Variants in BCAS3 observed in about 807,000 individuals in gnomAD.
The protein encoded by BCAS3 is BCAS3 microtubule associated cell migration factor.
BCAS3 carries 53 observed loss-of-function variants against 116.1 expected under a neutral mutation model. That is an observed-to-expected ratio of 0.46 (90% CI 0.37 to 0.57). The LOEUF (loss-of-function observed/expected upper bound fraction) is 0.57, where lower values mean the gene tolerates loss of function less well. Among genes scored for constraint, BCAS3 ranks in the 20% least tolerant of loss-of-function variants. The pLI, the probability that BCAS3 is intolerant of heterozygous loss-of-function variation, is 0.00. For missense variants in BCAS3, 917 were observed against 1,165.4 expected (o/e 0.79, Z 3.10); for synonymous variants, 391 against 408.2 (o/e 0.96, Z 0.51).
chr17:61,166,391 C>CTTTTT (rs748083151), intron 22 of BCAS3, among the ~76,000 whole-genome samples: 2 of 33,726 alleles, frequency 5.9e-5, no homozygotes, highest in African/African-American at 1.7e-4. Flanking sequence ...CTCTCTCTCT[C>CTTTTT]TTTTTTTTTT....
chr17:60,731,975 A>G (rs2040503445), intron 5 of BCAS3, among the ~76,000 whole-genome samples: 1 of 151,844 alleles, frequency 6.6e-6, no homozygotes, highest in Non-Finnish European at 1.5e-5. Context: ...GGGTTTCGCG[A>G]TGTTGTCCAG....
At chr17:61,152,148 T>C (rs2094399613) in intron 22 of BCAS3, among the ~76,000 whole-genome samples, 1 of 152,180 alleles carries the variant, frequency 6.6e-6, no homozygotes, top group Non-Finnish European at 1.5e-5. Context: ...AGGTTTATTG[T>C]GAAGAGCAAA....
Position 61,098,620 on chromosome 17 carries a change from G to T in BCAS3, c.2425+14056G>T, listed in dbSNP as rs1369878763. Among the ~76,000 whole-genome samples, 1 of 152,144 alleles carries T rather than the reference G, an allele frequency of 6.6e-6. No individual in the cohort carries two copies. Among genetic ancestry groups the T allele is most frequent in the Non-Finnish European group, 1.5e-5 (1 of 68,024 alleles). On this transcript the variant is annotated intron_variant, in intron 22 of 23. Transcript: ENST00000407086. This position sits in a 1 kb window ranked among gnomAD's most constrained non-coding sequence, Gnocchi z 4.2. ...GCAATTAAGTGGTATGCTGCAAAAA[G>T]GAATTCGGTTAGCAGATTTTATGGC... is the stretch of plus-strand genomic sequence containing the variant.
chr17:61,322,256 A>G (rs182511587), intron 22 of BCAS3, among the ~76,000 whole-genome samples: 62 of 152,310 alleles, frequency 4.1e-4, no homozygotes, highest in African/African-American at 1.5e-3. Flanking sequence ...TCAGATTAGT[A>G]TTGGGAGGCG....
rs577320503 is a variant in BCAS3, at chr17:61,211,214, C to T, written c.2425+126650C>T. On this transcript the variant is annotated intron_variant, in intron 22 of 23. Coordinates refer to ENST00000407086, the MANE Select transcript of BCAS3 (RefSeq NM_017679.5). This position sits in a 1 kb window ranked among gnomAD's most constrained non-coding sequence, Gnocchi z 4.4. Reference sequence around the variant, plus strand: ...AACCACCTCTGCTTCCCTTTCCCCACTCTGTAATCAGTAATCATTGTCTGG... The same window carrying T: ...AACCACCTCTGCTTCCCTTTCCCCATTCTGTAATCAGTAATCATTGTCTGG... Among the ~76,000 whole-genome samples the T allele has an allele frequency of 1.4e-3, 213 of 152,320 alleles. No individual in the cohort carries two copies. The highest frequency in any genetic ancestry group is 3.4e-3 in the Middle Eastern group (1 of 294).
At chr17:61,042,906 A>AAAAAAAT (rs1568200260) in intron 19 of BCAS3, among the ~76,000 whole-genome samples, 2 of 150,440 alleles carry the variant, frequency 1.3e-5, no homozygotes, top group African/African-American at 4.9e-5. Flanking sequence ...AAAAAAAAAA[A>AAAAAAAT]AAAAAAAAAG....
At chr17:60,868,357 T>C (rs1367468066) in intron 7 of BCAS3, among the ~76,000 whole-genome samples, 1 of 152,102 alleles carries the variant, frequency 6.6e-6, no homozygotes, top group Non-Finnish European at 1.5e-5. Flanking sequence ...GTAGTACTAA[T>C]TTGGTGAGTG....
intron 13 of BCAS3, among the ~76,000 whole-genome samples, chr17:60,936,006 C>T (rs963551910): frequency 6.6e-6 from 1 of 151,782 alleles, no homozygotes; most frequent in South Asian, 2.1e-4. Flanking sequence ...ATCCCTCCCC[C>T]CTTCCCCCCA....
chr17:60,909,532 T>A (rs879725729), intron 11 of BCAS3, among the ~76,000 whole-genome samples: 3 of 152,124 alleles, frequency 2.0e-5, no homozygotes, highest in Non-Finnish European at 2.9e-5. Flanking sequence ...TTATTTAAAA[T>A]GTAATTTTTG....
intron 22 of BCAS3, among the ~76,000 whole-genome samples, chr17:61,329,337 A>ATTTTTTTTTTTT (rs199782162): frequency 1.0e-4 from 11 of 106,228 alleles, no homozygotes; most frequent in African/African-American, 3.2e-4. Flanking sequence ...TATTATTATT[A>ATTTTTTTTTTTT]TTATTATTTT....
rs2055432183 is a variant in BCAS3, at chr17:61,323,004, G to T, written c.2426-45323G>T. Among the ~76,000 whole-genome samples the T allele has an allele frequency of 6.6e-6, 1 of 151,800 alleles. No individual in the cohort carries two copies. Among genetic ancestry groups the T allele is most frequent in the Non-Finnish European group, 1.5e-5 (1 of 67,944 alleles). ...AAGGCGCCTTCCTTTTTTTTTAAAG[G>T]CGTGTTGTGGCTATTTTGATGCCTT... On this transcript the variant is annotated intron_variant, in intron 22 of 23. Transcript: ENST00000407086. This position sits in a 1 kb window ranked among gnomAD's most constrained non-coding sequence, Gnocchi z 4.6.
intron 22 of BCAS3, among the ~76,000 whole-genome samples, chr17:61,322,570 C>T (rs193092202): frequency 6.6e-6 from 1 of 152,206 alleles, no homozygotes; most frequent in Non-Finnish European, 1.5e-5. Context: ...TCCCTCCCAC[C>T]CCTCTTTCCT....
chr17:61,165,293 T>C (rs2078422353), intron 22 of BCAS3, among the ~76,000 whole-genome samples: 1 of 152,202 alleles, frequency 6.6e-6, no homozygotes, highest in Non-Finnish European at 1.5e-5. Context: ...CCTAAAAGGG[T>C]ACTTAACCTT....
intron 7 of BCAS3, among the ~76,000 whole-genome samples, chr17:60,826,920 A>T (rs1319008286): frequency 6.6e-6 from 1 of 151,998 alleles, no homozygotes; most frequent in Admixed American, 6.6e-5. Flanking sequence ...TTTAACAGGA[A>T]CTCTGCTTGT....
At chr17:61,351,658 C>G (rs1381118436) in intron 22 of BCAS3, among the ~76,000 whole-genome samples, 1 of 152,200 alleles carries the variant, frequency 6.6e-6, no homozygotes, top group Non-Finnish European at 1.5e-5. Flanking sequence ...ATTGAGTGCT[C>G]TTTTTGCCAA....
chr17:60,727,208 G>C, intron 5 of BCAS3: 1 of 920,522 alleles, frequency 1.1e-6, no homozygotes, highest in South Asian at 1.4e-5. Context: ...ATCTCCTCCC[G>C]GTTCAAAATG....
At chr17:60,706,894 A>G (rs76077845) in intron 4 of BCAS3, among the ~76,000 whole-genome samples, 10,311 of 147,232 alleles carry the variant, frequency 0.07, 1,193 homozygotes, top group African/African-American at 0.24. Context: ...ACCATACTGC[A>G]TCCTTGACCT....
chr17:61,296,412 AT>A (rs1165883176), intron 22 of BCAS3, among the ~76,000 whole-genome samples: 6 of 152,060 alleles, frequency 3.9e-5, no homozygotes, highest in Admixed American at 3.9e-4. Context: ...CAGTAATAAT[AT>A]TTTTCCAAAC....
At chr17:61,340,819 C>T (rs1352783191) in intron 22 of BCAS3, among the ~76,000 whole-genome samples, 1 of 152,078 alleles carries the variant, frequency 6.6e-6, no homozygotes, top group Non-Finnish European at 1.5e-5. Flanking sequence ...TATTATACAC[C>T]CTGGTGAGGC....
Sources: gnomAD v4.1 joint callset for allele counts (sites outside exome capture counted in the v4.1 genomes callset) on GRCh38, gnomAD v4.1.1 for gene constraint, Gnocchi (gnomAD v3.1) non-coding constraint, MANE v1.5 for transcripts, NCBI Gene and HGNC (gene_info 2026-07-23, HGNC 2026-07-21) for gene names.